The following REDIC1 variants were observed in gnomAD, a reference collection of about 807,000 sequenced individuals.
REDIC1 encodes HEI10 Interacting Protein 1.
At chr12:39,863,486 A>G in the REDIC1 span, among the ~76,000 whole-genome samples, 4 of 152,300 alleles carry the variant, frequency 2.6e-5, no homozygotes, top group Admixed American at 1.3e-4. Flanking sequence ...TCTGGAGAAT[A>G]TTCTATGATT....
the REDIC1 span, among the ~76,000 whole-genome samples, chr12:39,714,122 T>C: frequency 6.6e-6 from 1 of 150,792 alleles, no homozygotes; most frequent in African/African-American, 2.4e-5. Context: ...TACGTGTATA[T>C]GTATATATGT....
At chr12:39,899,036 G>A in the REDIC1 span, among the ~76,000 whole-genome samples, 1 of 151,994 alleles carries the variant, frequency 6.6e-6, no homozygotes, top group African/African-American at 2.4e-5. Context: ...CTATTGATTG[G>A]AATAGTTTCA....
At chr12:39,899,055 G>A in the REDIC1 span, among the ~76,000 whole-genome samples, 2 of 152,024 alleles carry the variant, frequency 1.3e-5, no homozygotes, top group Admixed American at 1.3e-4. Flanking sequence ...CAGAAGGAAT[G>A]GTACCAGTTC....
chr12:39,792,697 T>C, the REDIC1 span, among the ~76,000 whole-genome samples: 1 of 152,092 alleles, frequency 6.6e-6, no homozygotes, highest in South Asian at 2.1e-4. Context: ...CAGATATAGA[T>C]ACCAAAGTAT....
the REDIC1 span, among the ~76,000 whole-genome samples, chr12:39,666,275 AG>A: frequency 2.0e-5 from 3 of 152,268 alleles, no homozygotes; most frequent in South Asian, 2.1e-4. Context: ...TTTAGCATGA[AG>A]GGTTGTTGAA....
chr12:39,653,511 T>TCTTCTTCTTCTTCTTCTG, the REDIC1 span, among the ~76,000 whole-genome samples: 1 of 53,274 alleles, frequency 1.9e-5, no homozygotes, highest in Non-Finnish European at 4.7e-5. Flanking sequence ...TTCTTCTTCT[T>TCTTCTTCTTCTTCTTCTG]CTTCTTCTTC....
the REDIC1 span, among the ~76,000 whole-genome samples, chr12:39,713,367 TACAC>T: frequency 6.9e-6 from 1 of 145,812 alleles, no homozygotes. Flanking sequence ...TATACGTGTA[TACAC>T]ATATACATAT....
the REDIC1 span, among the ~76,000 whole-genome samples, chr12:39,798,166 G>A: frequency 1.2e-4 from 19 of 152,220 alleles, no homozygotes; most frequent in African/African-American, 3.6e-4. Flanking sequence ...AAGGCCTGTC[G>A]GACAACAACC....
the REDIC1 span, among the ~76,000 whole-genome samples, chr12:39,822,984 T>C: frequency 6.6e-6 from 1 of 152,170 alleles, no homozygotes; most frequent in African/African-American, 2.4e-5. Context: ...ATAAATAGTA[T>C]CCGAGTCTGC....
At chr12:39,871,853 T>G in the REDIC1 span, 1 of 1,612,974 alleles carries the variant, frequency 6.2e-7, no homozygotes, top group East Asian at 2.2e-5. Context: ...CAAGCCAGAC[T>G]CCCACAAGTG....
chr12:39,654,601 A>AT, the REDIC1 span, among the ~76,000 whole-genome samples: 277 of 151,904 alleles, frequency 1.8e-3, 4 homozygotes, highest in East Asian at 0.04. Context: ...AAAAAAAAAA[A>AT]CTGCTTGGTG....
At chr12:39,704,932 G>A in the REDIC1 span, among the ~76,000 whole-genome samples, 15 of 152,088 alleles carry the variant, frequency 9.9e-5, no homozygotes, top group African/African-American at 3.4e-4. Context: ...TGGCGTGGGG[G>A]GAGGGAGGAG....
At chr12:39,822,152 G>T in the REDIC1 span, among the ~76,000 whole-genome samples, 1 of 141,910 alleles carries the variant, frequency 7.0e-6, no homozygotes. Context: ...TCCCACCTAT[G>T]AGTGAGAATA....
the REDIC1 span, among the ~76,000 whole-genome samples, chr12:39,647,311 T>A: frequency 6.0e-4 from 91 of 152,218 alleles, no homozygotes; most frequent in African/African-American, 2.0e-3. Flanking sequence ...AATAATTTTC[T>A]TAGCAAATAA....
the REDIC1 span, among the ~76,000 whole-genome samples, chr12:39,852,884 G>A: frequency 6.6e-6 from 1 of 152,082 alleles, no homozygotes; most frequent in Non-Finnish European, 1.5e-5. Context: ...ACTGGTTGTG[G>A]GCCACTCCTT....
chr12:39,821,421 ATT>A, the REDIC1 span, among the ~76,000 whole-genome samples: 1 of 151,468 alleles, frequency 6.6e-6, no homozygotes, highest in African/African-American at 2.4e-5. Context: ...AAAAAAAAAA[ATT>A]TTTTTTTGTG....
the REDIC1 span, among the ~76,000 whole-genome samples, chr12:39,896,805 G>A: frequency 1.3e-5 from 2 of 152,012 alleles, no homozygotes; most frequent in African/African-American, 4.8e-5. Flanking sequence ...ATTTAAGTGA[G>A]AAACTAATCA....
the REDIC1 span, chr12:39,716,839 G>T: frequency 1.3e-6 from 2 of 1,580,858 alleles, no homozygotes; most frequent in Admixed American, 1.8e-5. Context: ...TTCAGATTTG[G>T]TAAGTGATGC....
chr12:39,672,799 G>A, the REDIC1 span, among the ~76,000 whole-genome samples: 1 of 152,176 alleles, frequency 6.6e-6, no homozygotes, highest in Non-Finnish European at 1.5e-5. Context: ...TGGGGCTCCA[G>A]GGATATGTAG....
Sources: allele counts gnomAD v4.1 joint callset (sites outside exome capture counted in the v4.1 genomes callset), GRCh38; gene constraint gnomAD v4.1.1; transcripts MANE v1.5; gene names NCBI Gene and HGNC (gene_info 2026-07-23, HGNC 2026-07-21).